C10orf53: variants seen among roughly 807,000 people sequenced by gnomAD.
The protein encoded by C10orf53 is UPF0728 protein C10orf53.
C10orf53 carries 8 observed loss-of-function variants against 9.4 expected under a neutral mutation model. The observed-to-expected ratio is 0.85, with a 90% CI of 0.50 to 1.53. C10orf53 has a LOEUF of 1.53. C10orf53 is among the 40% of genes most tolerant of loss of function. The pLI is 0.00. For synonymous variants in C10orf53, 48 were observed against 46.0 expected (o/e 1.04, Z -0.18); for missense variants, 117 against 117.8 (o/e 0.99, Z 0.03).
At chr10:49,683,217 C>T (rs1258262) in intron 1 of C10orf53, among the ~76,000 whole-genome samples, 2 of 152,074 alleles carry the variant, frequency 1.3e-5, no homozygotes, top group Admixed American at 6.6e-5. Context: ...TAATTACAGC[C>T]ATCGCAGTAG....
In C10orf53 at chr10:49,696,036, A is replaced by G. The variant is rs1333904459; in HGVS notation, c.*1434A>G. The G allele has an allele frequency of 1.3e-5, 2 of 152,230 alleles. No individual in the cohort carries two copies. 9.4% of individuals were successfully genotyped at this position (152,230 alleles called of 1,614,324 possible). On this transcript the variant is annotated 3_prime_UTR_variant, in exon 3 of 3. Transcript: ENST00000374111. ...GGTAAAAATAAAGTACAACTTTAGTAACATTTTTATATATTTCAATTTGGG... is the reference window on the plus strand; with the variant it reads ...GGTAAAAATAAAGTACAACTTTAGTGACATTTTTATATATTTCAATTTGGG...
At chr10:49,706,149 G>A (rs1258390214) in intron 2 of C10orf53, among the ~76,000 whole-genome samples, 1 of 152,194 alleles carries the variant, frequency 6.6e-6, no homozygotes, top group Admixed American at 6.5e-5. Context: ...TACACTGCTG[G>A]TGAAATGTCA....
intron 1 of C10orf53, 52 bp downstream of exon 1, chr10:49,679,846 G>A: frequency 1.4e-6 from 2 of 1,469,158 alleles, no homozygotes; most frequent in Non-Finnish European, 1.8e-6. Context: ...CTGAGCATCC[G>A]TGCAGGTGGT....
intron 2 of C10orf53, 144 bp downstream of exon 2, chr10:49,694,037 C>T (rs1391233913): frequency 1.8e-6 from 2 of 1,135,268 alleles, no homozygotes; most frequent in Non-Finnish European, 1.3e-6. Flanking sequence ...AAGCCCTGTG[C>T]TTTCAGTGGC....
At chr10:49,691,608 C>T (rs1458480648) in intron 1 of C10orf53, among the ~76,000 whole-genome samples, 1 of 152,190 alleles carries the variant, frequency 6.6e-6, no homozygotes, top group African/African-American at 2.4e-5. Context: ...GAGGTGGACC[C>T]CCATTATTCG....
At chr10:49,694,386 G>A in intron 2 of C10orf53, 152 bp from the exon 3 acceptor site, 1 of 1,075,526 alleles carries the variant, frequency 9.3e-7, no homozygotes, top group Non-Finnish European at 1.3e-6. Context: ...TTAAAGCTTT[G>A]CAATCCACTA....
At chr10:49,699,001 CTGAAT>C (rs1840659306), downstream of C10orf53, among the ~76,000 whole-genome samples, 1 of 152,078 alleles carries the variant, frequency 6.6e-6, no homozygotes, top group Non-Finnish European at 1.5e-5. Flanking sequence ...TATCAATCTT[CTGAAT>C]TGTTCCAGAA....
intron 1 of C10orf53, among the ~76,000 whole-genome samples, chr10:49,688,569 G>A (rs936470234): frequency 3.3e-5 from 5 of 151,430 alleles, no homozygotes; most frequent in African/African-American, 1.2e-4. Flanking sequence ...CTCACTCAGG[G>A]GAGAAGCCAA....
In C10orf53 at chr10:49,694,523, T is replaced by A; in HGVS notation, c.218-15T>A. On this transcript the variant is annotated splice_polypyrimidine_tract_variant and intron_variant, in intron 2 of 2. Transcript: ENST00000374111. Reference sequence around the variant, plus strand: ...TATAAAGCTAACCAAAAGACAATTATATCTGTTTCCCTAGGAGGCGATGGT... The same window carrying A: ...TATAAAGCTAACCAAAAGACAATTAAATCTGTTTCCCTAGGAGGCGATGGT... The A allele has an allele frequency of 1.2e-6, 2 of 1,614,092 alleles. No homozygotes were observed. Among genetic ancestry groups the A allele is most frequent in the Non-Finnish European group, 1.7e-6 (2 of 1,179,946 alleles).
chr10:49,708,468 C>A, exon 3 of C10orf53: 1 of 1,614,140 alleles, frequency 6.2e-7, no homozygotes, highest in South Asian at 1.1e-5. Context: ...GCAACAGTTC[C>A]CACAAAAGAC....
In C10orf53 at chr10:49,709,003, T is replaced by A. The variant is rs537747657; in HGVS notation, c.*386T>A. 27 of 215,158 alleles carry A rather than the reference T, an allele frequency of 1.3e-4. No homozygotes were observed. In the East Asian group the frequency reaches 3.4e-3, roughly 27 times the overall value. The allele number at this position is 215,158 out of a possible 1,614,324, so 13.3% of individuals were successfully genotyped here. ...TTTAACTGGATTCCTATCTCGTTAC[T>A]CTGTCTCCATTATCTCCTCCTGCAA... is the stretch of plus-strand genomic sequence containing the variant. On this transcript the variant is annotated 3_prime_UTR_variant, in exon 3 of 3. Coordinates refer to the C10orf53 transcript ENST00000374112.
chr10:49,686,534 A>G (rs1252236077), intron 1 of C10orf53, among the ~76,000 whole-genome samples: 2 of 152,210 alleles, frequency 1.3e-5, no homozygotes, highest in East Asian at 3.8e-4. Context: ...TAGGAGAAAT[A>G]TCGCTGAATT....
At chr10:49,703,846 A>G (rs1304618177) in intron 2 of C10orf53, among the ~76,000 whole-genome samples, 2 of 152,388 alleles carry the variant, frequency 1.3e-5, no homozygotes, top group East Asian at 3.9e-4. Context: ...ACCTGATTAT[A>G]AAGTTTATAT....
At chr10:49,694,006 TG>T (rs1564506388) in intron 2 of C10orf53, 113 bp downstream of exon 2, 1 of 1,484,272 alleles carries the variant, frequency 6.7e-7, no homozygotes, top group Non-Finnish European at 9.3e-7. Context: ...GGTTTCTTTC[TG>T]AGTTTGAAAC....
At chr10:49,692,880 G>T (rs1046913040) in intron 1 of C10orf53, among the ~76,000 whole-genome samples, 1 of 152,114 alleles carries the variant, frequency 6.6e-6, no homozygotes, top group Non-Finnish European at 1.5e-5. Flanking sequence ...AGAATAAAAA[G>T]TTAGTTCATT....
intron 2 of C10orf53, among the ~76,000 whole-genome samples, chr10:49,702,962 G>A (rs758078232): frequency 7.2e-5 from 11 of 152,082 alleles, no homozygotes; most frequent in Non-Finnish European, 1.0e-4. Flanking sequence ...ACAAAAAGAG[G>A]GGTTTTCCCT....
At chr10:49,687,267 C>G (rs751959251) in intron 1 of C10orf53, among the ~76,000 whole-genome samples, 9 of 152,142 alleles carry the variant, frequency 5.9e-5, no homozygotes, top group Non-Finnish European at 1.2e-4. Flanking sequence ...ATTTACATAC[C>G]AAAAATTTTA....
intron 1 of C10orf53, among the ~76,000 whole-genome samples, chr10:49,687,503 C>G (rs1391524623): frequency 6.6e-6 from 1 of 152,188 alleles, no homozygotes; most frequent in Non-Finnish European, 1.5e-5. Flanking sequence ...TTGAATTGGG[C>G]TCCACCATTT....
intron 1 of C10orf53, among the ~76,000 whole-genome samples, chr10:49,688,911 T>C (rs531943066): frequency 6.6e-6 from 1 of 152,262 alleles, no homozygotes; most frequent in South Asian, 2.1e-4. Flanking sequence ...TCCCTCCTTA[T>C]TTCTTCTTCT....
Sources: gnomAD v4.1 joint callset for allele counts (sites outside exome capture counted in the v4.1 genomes callset) on GRCh38, gnomAD v4.1.1 for gene constraint, MANE v1.5 for transcripts, NCBI Gene and HGNC (gene_info 2026-07-23, HGNC 2026-07-21) for gene names.